Variants in TENM2 observed in about 807,000 individuals in gnomAD.
TENM2 encodes the protein teneurin-2.
Under a neutral mutation model 245.2 loss-of-function variants are expected in TENM2, and 52 were observed. The ratio of observed to expected loss-of-function variants is 0.21; its 90% CI spans 0.17 to 0.27. The LOEUF is 0.27. Among genes scored for constraint, TENM2 ranks in the 10% least tolerant of loss-of-function variants. The pLI, the probability that TENM2 is intolerant of heterozygous loss-of-function variation, is 1.00. For synonymous variants in TENM2, 1,363 were observed against 1,438.9 expected (o/e 0.95, Z 1.19); for missense variants, 3,046 against 3,666.8 (o/e 0.83, Z 4.37).
chr5:167,172,365 A>G, the TENM2 span, among the ~76,000 whole-genome samples: 1 of 152,182 alleles, frequency 6.6e-6, no homozygotes, highest in Non-Finnish European at 1.5e-5. Flanking sequence ...TCTCATTTAA[A>G]TCTCCAACAA....
rs143952469 is a variant in TENM2 at position 168,039,662 on chromosome 5, G to C, written c.1187-7765G>C. Among the ~76,000 whole-genome samples the C allele has an allele frequency of 2.2e-4, 33 of 152,198 alleles. No homozygotes were observed. The Middle Eastern group carries it at 0.014, about 63-fold the overall frequency. Reference sequence around the variant, plus strand: ...ATCTGCATGAGGCTGAGCTGACTTGGTGGACAATAGGATGCCTGACTAGCA... The same window carrying C: ...ATCTGCATGAGGCTGAGCTGACTTGCTGGACAATAGGATGCCTGACTAGCA... On this transcript the variant is annotated intron_variant, in intron 5 of 28. Transcript: ENST00000518659.
intron 15 of TENM2, among the ~76,000 whole-genome samples, chr5:168,195,972 A>C (rs566991945): frequency 6.6e-6 from 1 of 152,288 alleles, no homozygotes; most frequent in African/African-American, 2.4e-5. Context: ...TTAAAGAAGA[A>C]GAAAAGAAAT....
At chr5:168,030,610 T>C (rs572067289) in intron 5 of TENM2, among the ~76,000 whole-genome samples, 1 of 152,134 alleles carries the variant, frequency 6.6e-6, no homozygotes, top group South Asian at 2.1e-4. Flanking sequence ...ACAGTGAGCT[T>C]TTTGAGGGCA....
chr5:167,159,954 A>G, the TENM2 span, among the ~76,000 whole-genome samples: 1 of 152,190 alleles, frequency 6.6e-6, no homozygotes, highest in Non-Finnish European at 1.5e-5. Flanking sequence ...CCATTCAGAA[A>G]GTGGGGTGAA....
chr5:167,865,591 C>A (rs1383005639), intron 2 of TENM2, among the ~76,000 whole-genome samples: 2 of 152,102 alleles, frequency 1.3e-5, no homozygotes, highest in South Asian at 2.1e-4. Context: ...AAATTTTATA[C>A]AACGGTTGCG....
chr5:168,062,387 G>A, intron 7 of TENM2, 122 bp downstream of exon 9: 1 of 813,024 alleles, frequency 1.2e-6, no homozygotes, highest in Non-Finnish European at 1.9e-6. Context: ...CAATAAAAAT[G>A]TTGGCGAGAA....
rs573933413 is a variant in TENM2, at chr5:167,732,655, G to A, written c.503-143331G>A. Among the ~76,000 whole-genome samples, 6 of 152,252 alleles carry A rather than the reference G, an allele frequency of 3.9e-5. No individual in the cohort carries two copies. The East Asian group carries it at 1.2e-3, about 29-fold the overall frequency. The stretch of plus-strand genomic sequence containing the variant: ...GAGGACAAGAAAATTTCTCATTAGT[G>A]ACATGTAGTGACACTTCACTTTATT... On this transcript the variant is annotated intron_variant, in intron 2 of 28. Transcript: ENST00000518659.
At chr5:167,893,351 G>A (rs1457482628) in intron 3 of TENM2, among the ~76,000 whole-genome samples, 1 of 152,170 alleles carries the variant, frequency 6.6e-6, no homozygotes, top group Non-Finnish European at 1.5e-5. Context: ...GAGCAAATCA[G>A]CGTCAGACAA....
At chr5:167,004,790 T>C in the TENM2 span, among the ~76,000 whole-genome samples, 1 of 152,188 alleles carries the variant, frequency 6.6e-6, no homozygotes, top group African/African-American at 2.4e-5. Flanking sequence ...CCTTACGTTA[T>C]TGAATGTCAG....
At chr5:167,386,958 G>A (rs965983842) in intron 2 of TENM2, among the ~76,000 whole-genome samples, 2 of 151,952 alleles carry the variant, frequency 1.3e-5, no homozygotes, top group African/African-American at 4.8e-5. Context: ...CTCCAGATTT[G>A]TTCTTTTTGT....
At chr5:168,205,035 C>T (rs945870900) in intron 19 of TENM2, among the ~76,000 whole-genome samples, 2 of 152,192 alleles carry the variant, frequency 1.3e-5, no homozygotes, top group Non-Finnish European at 2.9e-5. Flanking sequence ...GATAGCACTT[C>T]CTTTACTGCA....
At chr5:168,226,535 C>T (rs912058519) in intron 24 of TENM2, among the ~76,000 whole-genome samples, 4 of 152,120 alleles carry the variant, frequency 2.6e-5, no homozygotes, top group African/African-American at 9.7e-5. Context: ...TCCATTTCCA[C>T]CCGCCCCCCA....
At chr5:167,657,681 C>G (rs965313179) in intron 2 of TENM2, among the ~76,000 whole-genome samples, 1 of 151,898 alleles carries the variant, frequency 6.6e-6, no homozygotes, top group East Asian at 2.0e-4. Flanking sequence ...TGTATAGTCT[C>G]TCTTATAACT....
intron 1 of TENM2, among the ~76,000 whole-genome samples, chr5:167,320,368 T>G (rs979523589): frequency 6.6e-6 from 1 of 152,086 alleles, no homozygotes; most frequent in Non-Finnish European, 1.5e-5. Flanking sequence ...AAAGAAGAAA[T>G]GGGCTTATTC....
In TENM2 at chr5:167,549,601, A is replaced by G. The variant is rs199794831; in HGVS notation, c.502+174128A>G. On this transcript the variant is annotated intron_variant, in intron 2 of 28. Transcript: ENST00000518659. ...GAGGACCTAAAGTGTCCCTCTTCAG[A>G]TGCTTTTGTTTTCAAACAACATCTC... Among the ~76,000 whole-genome samples, 4 of 152,256 alleles carry G rather than the reference A, an allele frequency of 2.6e-5. No individual in the cohort carries two copies. The East Asian group carries it at 7.7e-4, about 29-fold the overall frequency.
intron 17 of TENM2, among the ~76,000 whole-genome samples, chr5:168,201,336 A>G (rs903756157): frequency 2.0e-5 from 3 of 151,986 alleles, no homozygotes; most frequent in African/African-American, 4.8e-5. Context: ...ATATATGTAT[A>G]TATGCACATA....
At chr5:168,228,679 C>CCTTTTA (rs1161340839) in intron 25 of TENM2, among the ~76,000 whole-genome samples, 2 of 152,034 alleles carry the variant, frequency 1.3e-5, no homozygotes, top group Non-Finnish European at 2.9e-5. Flanking sequence ...GAGGTACATG[C>CCTTTTA]AGGGTCTGAT....
At position 167,363,801 on chromosome 5, in the gene TENM2, G is replaced by A. The variant is rs967309959; in HGVS notation, c.227-11397G>A. 4.0e-5 allele frequency among the ~76,000 whole-genome samples: 6 copies of A among 151,086 alleles called. No homozygotes were observed. In the South Asian group the frequency reaches 1.0e-3, roughly 26 times the overall value. ...AACAAACCTTCATAGTTAAGTGTGA[G>A]CAAGTCCATAAATAATTGATTTTGA... On this transcript the variant is annotated intron_variant, in intron 1 of 28. Coordinates refer to ENST00000518659, the Ensembl canonical transcript of TENM2.
At chr5:167,742,825 G>A (rs1434362062) in intron 2 of TENM2, among the ~76,000 whole-genome samples, 1 of 151,872 alleles carries the variant, frequency 6.6e-6, no homozygotes, top group African/African-American at 2.4e-5. Context: ...AAAATTGGCT[G>A]GGCATGGTAG....
Sources: gnomAD v4.1 joint callset for allele counts (sites outside exome capture counted in the v4.1 genomes callset) on GRCh38, gnomAD v4.1.1 for gene constraint, MANE v1.5 for transcripts, NCBI Gene and HGNC (gene_info 2026-07-23, HGNC 2026-07-21) for gene names.